KCNQ5: variants seen among roughly 807,000 people sequenced by gnomAD.
KCNQ5 encodes the protein potassium voltage-gated channel subfamily Q member 5.
Under a neutral mutation model 98.2 loss-of-function variants are expected in KCNQ5, and 30 were observed. The ratio of observed to expected loss-of-function variants is 0.31; its 90% CI spans 0.23 to 0.41. The LOEUF is 0.41. KCNQ5 is among the 10% of genes least tolerant of loss of function. The pLI is 1.00. For synonymous variants in KCNQ5, 458 were observed against 449.4 expected, an observed-to-expected ratio of 1.02 and a Z score of -0.24; for missense variants, 835 against 1,182.5, an observed-to-expected ratio of 0.71 and a Z score of 4.31.
At chr6:72,716,553 A>T (rs556857244) in intron 1 of KCNQ5, among the ~76,000 whole-genome samples, 1 of 152,314 alleles carries the variant, frequency 6.6e-6, no homozygotes, top group Admixed American at 6.5e-5. Flanking sequence ...GAGAAGCTTT[A>T]CTTTTTATCA....
intron 1 of KCNQ5, among the ~76,000 whole-genome samples, chr6:72,647,313 T>C (rs1165588060): frequency 6.6e-6 from 1 of 152,124 alleles, no homozygotes; most frequent in Admixed American, 6.5e-5. Context: ...ATTGAAAGAA[T>C]GCCATTAGTT....
Position 73,190,719 on chromosome 6 carries a change from T to C in KCNQ5, c.1709+15T>C. ...CTTCAAACACGGTAAGCAATGGAAA[T>C]GTCATTCCTTGTAAAGGAATGGGCA... On this transcript the variant is annotated intron_variant, in intron 12 of 13. Coordinates refer to ENST00000370398, the MANE Select transcript of KCNQ5 (RefSeq NM_019842.4). 6.6e-7 allele frequency: 1 copy of C among 1,507,642 alleles called. No individual in the cohort carries two copies. Among genetic ancestry groups the C allele is most frequent in the Admixed American group, 2.0e-5 (1 of 49,860 alleles). 93.4% of individuals were successfully genotyped at this position (1,507,642 alleles called of 1,614,324 possible). A position where few individuals can be genotyped will look rare whatever the true frequency, so the allele number is the denominator to read the frequency against.
At position 72,962,597 on chromosome 6, in the gene KCNQ5, G is replaced by A. The variant is rs150538101; in HGVS notation, c.399-41311G>A. ...GGCCTTGAAAGGCAGCTGAAACTCT[G>A]TTTAGTCCAGAGGGACATAGAGAAT... is the stretch of plus-strand genomic sequence containing the variant. On this transcript the variant is annotated intron_variant, in intron 1 of 13. Coordinates refer to ENST00000370398, the MANE Select transcript of KCNQ5 (RefSeq NM_019842.4). 1.4e-4 allele frequency among the ~76,000 whole-genome samples: 21 copies of A among 152,300 alleles called. No individual in the cohort carries two copies. The East Asian group carries it at 3.5e-3, about 25-fold the overall frequency.
At chr6:73,150,397 T>A (rs192390135) in intron 10 of KCNQ5, among the ~76,000 whole-genome samples, 1 of 149,994 alleles carries the variant, frequency 6.7e-6, no homozygotes, top group African/African-American at 2.4e-5. Context: ...GTAGTAGCTT[T>A]CTTTGTAATG....
chr6:73,106,770 A>G (rs1407295546), intron 6 of KCNQ5, among the ~76,000 whole-genome samples: 2 of 152,224 alleles, frequency 1.3e-5, no homozygotes, highest in African/African-American at 4.8e-5. Flanking sequence ...TTCAGCCTGA[A>G]CAGTGACCCT....
At chr6:72,882,820 C>G (rs1367499423) in intron 1 of KCNQ5, among the ~76,000 whole-genome samples, 2 of 152,048 alleles carry the variant, frequency 1.3e-5, no homozygotes, top group African/African-American at 4.8e-5. Flanking sequence ...TGGGTTGGTG[C>G]TGATTATGAG....
intron 5 of KCNQ5, among the ~76,000 whole-genome samples, chr6:73,103,886 A>C (rs1774897614): frequency 6.6e-6 from 1 of 152,210 alleles, no homozygotes; most frequent in Admixed American, 6.5e-5. Context: ...AACACAAAGG[A>C]TAAATGCTTG....
At position 73,159,799 on chromosome 6, in the gene KCNQ5, G is replaced by A. The variant is rs573518006; in HGVS notation, c.1469-9947G>A. On this transcript the variant is annotated intron_variant, in intron 10 of 13. Coordinates refer to ENST00000370398, the MANE Select transcript of KCNQ5 (RefSeq NM_019842.4). ...GTTCCTTATACATTGTGGATATTAA[G>A]CCTTTTTTATATTTTGGAATTCTTC... 1.1e-3 allele frequency among the ~76,000 whole-genome samples: 160 copies of A among 152,152 alleles called. 3 individuals carry two copies. Among genetic ancestry groups the A allele is most frequent in the African/African-American group, 3.7e-3 (154 of 41,526 alleles).
chr6:72,776,876 A>G (rs1039267102), intron 1 of KCNQ5, among the ~76,000 whole-genome samples: 1 of 152,210 alleles, frequency 6.6e-6, no homozygotes, highest in East Asian at 1.9e-4. Flanking sequence ...ACATGAGGCC[A>G]GGGTGCCATG....
chr6:72,773,624 AAT>A (rs1000163564), intron 1 of KCNQ5, among the ~76,000 whole-genome samples: 11 of 152,184 alleles, frequency 7.2e-5, no homozygotes, highest in African/African-American at 2.7e-4. Flanking sequence ...AAACAAAGGT[AAT>A]ATTATATAGA....
At chr6:72,882,131 G>A (rs1384806949) in intron 1 of KCNQ5, among the ~76,000 whole-genome samples, 1 of 152,186 alleles carries the variant, frequency 6.6e-6, no homozygotes, top group African/African-American at 2.4e-5. Context: ...ACTTGCCCAT[G>A]CACTTGATTT....
At position 73,035,985 on chromosome 6, in the gene KCNQ5, TTGTGTGTGTGTGTGTG is replaced by T. The variant is rs70994155; in HGVS notation, c.490-5921_490-5906del. Among the ~76,000 whole-genome samples the T allele has an allele frequency of 3.9e-3, 551 of 140,536 alleles. 1 individual carries two copies. Among genetic ancestry groups the T allele is most frequent in the Non-Finnish European group, 4.2e-3 (274 of 64,872 alleles). The allele number at this position is 140,536 out of a possible 152,430, so 92.2% of individuals were successfully genotyped here. A position where few individuals can be genotyped will look rare whatever the true frequency, so the allele number is the denominator to read the frequency against. On this transcript the variant is annotated intron_variant, in intron 2 of 13. Coordinates refer to ENST00000370398, the MANE Select transcript of KCNQ5 (RefSeq NM_019842.4). ...TTTCTCCAGTTTTACTTGAATACAT[TTGTGTGTGTGTGTGTG>T]TGTGTGTGTGTGTGTGTGTGTGTGT... is the stretch of plus-strand genomic sequence containing the variant.
At chr6:73,039,021 C>T (rs1376890916) in intron 2 of KCNQ5, among the ~76,000 whole-genome samples, 2 of 151,980 alleles carry the variant, frequency 1.3e-5, no homozygotes, top group African/African-American at 4.8e-5. Context: ...ATTGCTTTAG[C>T]GGTTATAGGG....
chr6:72,861,777 T>C (rs1030037172), intron 1 of KCNQ5, among the ~76,000 whole-genome samples: 2 of 151,772 alleles, frequency 1.3e-5, no homozygotes, highest in Non-Finnish European at 2.9e-5. Context: ...TGGATACATA[T>C]GTAACTAACC....
intron 8 of KCNQ5, among the ~76,000 whole-genome samples, chr6:73,121,227 C>G (rs1111877): frequency 6.6e-6 from 1 of 152,056 alleles, no homozygotes; most frequent in Admixed American, 6.5e-5. Flanking sequence ...CATGCCTAAA[C>G]TCAAAGAAAA....
chr6:73,152,190 T>C (rs1240668190), intron 10 of KCNQ5, among the ~76,000 whole-genome samples: 2 of 152,132 alleles, frequency 1.3e-5, no homozygotes, highest in East Asian at 1.9e-4. Context: ...GTATCCATTC[T>C]AGAATATCTT....
intron 1 of KCNQ5, among the ~76,000 whole-genome samples, chr6:72,773,404 A>G: frequency 6.6e-6 from 1 of 152,170 alleles, no homozygotes; most frequent in East Asian, 1.9e-4. Context: ...TTGAGCGATG[A>G]GAACACATGG....
At chr6:73,159,044 C>T (rs1485790202) in intron 10 of KCNQ5, among the ~76,000 whole-genome samples, 4 of 152,120 alleles carry the variant, frequency 2.6e-5, no homozygotes, top group Non-Finnish European at 5.9e-5. Context: ...GGAAACTTAC[C>T]TTGTATAAAA....
intron 5 of KCNQ5, among the ~76,000 whole-genome samples, chr6:73,095,006 T>G (rs1774421257): frequency 6.6e-6 from 1 of 152,238 alleles, no homozygotes; most frequent in Non-Finnish European, 1.5e-5. Context: ...TGTTATTCCC[T>G]GAAATATGTT....
Sources: allele counts gnomAD v4.1 joint callset (sites outside exome capture counted in the v4.1 genomes callset), GRCh38; gene constraint gnomAD v4.1.1; transcripts MANE v1.5; gene names NCBI Gene and HGNC (gene_info 2026-07-23, HGNC 2026-07-21).